The following TOP3B variants were observed in gnomAD, a reference collection of about 807,000 sequenced individuals.
The protein encoded by TOP3B is DNA topoisomerase III beta, also known as DNA topoisomerase 3-beta-1.
Under a neutral mutation model 93.9 loss-of-function variants are expected in TOP3B, and 45 were observed. The ratio of observed to expected loss-of-function variants is 0.48; its 90% CI spans 0.38 to 0.61. The LOEUF (loss-of-function observed/expected upper bound fraction) is 0.61, where lower values mean the gene tolerates loss of function less well. Among genes scored for constraint, TOP3B ranks in the 20% least tolerant of loss-of-function variants. TOP3B has a pLI of 0.00. For synonymous variants in TOP3B, 357 were observed against 472.6 expected (o/e 0.76, Z 3.17); for missense variants, 750 against 1,156.1 (o/e 0.65, Z 5.09).
chr22:21,970,042 T>C lies in TOP3B; in HGVS notation c.581+168A>G, dbSNP rs1350029351. 1.5e-6 allele frequency: 1 copy of C among 687,798 alleles called. No homozygotes were observed. The highest frequency in any genetic ancestry group is 2.4e-6 in the Non-Finnish European group (1 of 416,544). 42.6% of individuals were successfully genotyped at this position (687,798 alleles called of 1,614,324 possible). On this transcript the variant is annotated intron_variant, in intron 6 of 17. Transcript: ENST00000357179. This position sits in a 1 kb window ranked among gnomAD's most constrained non-coding sequence, Gnocchi z 4.4. ...ATCCTGGTCTCCCAAAGTGCAGGGATTACAGGTGTTAGCCACTGTGCCTGG... is the reference window on the plus strand; with the variant it reads ...ATCCTGGTCTCCCAAAGTGCAGGGACTACAGGTGTTAGCCACTGTGCCTGG...
At chr22:21,968,810 T>C (rs930972587) in intron 6 of TOP3B, 35 bp from the exon 7 acceptor site, 1 of 1,612,822 alleles carries the variant, frequency 6.2e-7, no homozygotes, top group Admixed American at 1.7e-5. Flanking sequence ...GGTCACTGAT[T>C]CACTCAAGAC....
At chr22:21,968,395 C>A in intron 7 of TOP3B, 1 of 557,938 alleles carries the variant, frequency 1.8e-6, no homozygotes, top group Non-Finnish European at 3.2e-6. Flanking sequence ...GAGCTGAACT[C>A]ATTCCCACTT....
rs1388934360 is a variant in TOP3B, at chr22:21,970,495, A to T, written c.385-89T>A. On this transcript the variant is annotated intron_variant, in intron 5 of 17. Transcript: ENST00000357179. This position sits in a 1 kb window ranked among gnomAD's most constrained non-coding sequence, Gnocchi z 4.4. ...ACTGTGAAGCCTGGTTCCTTCCAGG[A>T]AAGAACACGTGTGCTCGGCTCCCTC... 1.4e-6 allele frequency: 2 copies of T among 1,416,168 alleles called. No individual in the cohort carries two copies. Among genetic ancestry groups the T allele is most frequent in the Non-Finnish European group, 1.9e-6 (2 of 1,032,962 alleles). 87.7% of individuals were successfully genotyped at this position (1,416,168 alleles called of 1,614,324 possible). A position where few individuals can be genotyped will look rare whatever the true frequency, so the allele number is the denominator to read the frequency against.
In TOP3B at chr22:21,967,774, C is replaced by T. The variant is rs1194548827; in HGVS notation, c.739-58G>A. 2.6e-5 allele frequency: 36 copies of T among 1,360,414 alleles called. No individual in the cohort carries two copies. The East Asian group carries it at 5.5e-4, about 21-fold the overall frequency. The allele number at this position is 1,360,414 out of a possible 1,614,324, so 84.3% of individuals were successfully genotyped here. On this transcript the variant is annotated intron_variant, in intron 7 of 17. Transcript: ENST00000357179. ...AGAAAAAGTCTCCAGGTGAGCCCAA[C>T]GCCAGGAAGAACCAGGACAGATGAA...
intron 1 of TOP3B, among the ~76,000 whole-genome samples, chr22:21,979,941 CAAAAAAAAAAAAAA>C (rs57880095): frequency 1.1e-4 from 6 of 53,444 alleles, no homozygotes; most frequent in Non-Finnish European, 1.8e-4. Flanking sequence ...ACTCCATCTC[CAAAAAAAAAAAAAA>C]AAAAAAAAAG....
chr22:21,974,123 G>A, intron 3 of TOP3B: 1 of 425,484 alleles, frequency 2.4e-6, no homozygotes, highest in Non-Finnish European at 4.3e-6. Context: ...GGCACACAGG[G>A]AATGCAGCGA....
chr22:21,972,887 G>A lies in TOP3B; in HGVS notation c.203-169C>T, dbSNP rs553427815. The A allele has an allele frequency of 1.3e-5, 8 of 631,856 alleles. No homozygotes were observed. The African/African-American group carries it at 1.5e-4, about 12-fold the overall frequency. 39.1% of individuals were successfully genotyped at this position (631,856 alleles called of 1,614,324 possible). On this transcript the variant is annotated intron_variant, in intron 3 of 17. Transcript: ENST00000357179. ...AGGCAGAGCCAGGATGTGGGTTCAG[G>A]CCTTTGGTAACCCCCTCCCATCCAG... is the stretch of plus-strand genomic sequence containing the variant.
chr22:21,967,943 C>A, intron 7 of TOP3B: 1 of 528,146 alleles, frequency 1.9e-6, no homozygotes, highest in Non-Finnish European at 3.4e-6. Flanking sequence ...GAAGGTGGCC[C>A]AAAGCTGAGG....
At chr22:21,974,204 G>T in intron 3 of TOP3B, 153 bp downstream of exon 3, 1 of 966,056 alleles carries the variant, frequency 1.0e-6, no homozygotes. Flanking sequence ...CCGCACCAGG[G>T]ACCCTCTCAT....
intron 2 of TOP3B, chr22:21,974,845 C>T (rs2071796853): frequency 1.2e-5 from 2 of 170,618 alleles, no homozygotes; most frequent in African/African-American, 4.8e-5. Context: ...AAACAGACTC[C>T]AGATCTACTC....
intron 1 of TOP3B, among the ~76,000 whole-genome samples, chr22:21,981,775 GAC>G (rs977279260): frequency 1.3e-5 from 2 of 152,050 alleles, no homozygotes; most frequent in African/African-American, 4.8e-5. Context: ...CAGCCTGGGT[GAC>G]AGAGTGAGAC....
intron 11 of TOP3B, 66 bp from the exon 12 acceptor site, chr22:21,962,959 T>G: frequency 6.3e-7 from 1 of 1,581,190 alleles, no homozygotes; most frequent in Non-Finnish European, 8.6e-7. Flanking sequence ...GAGCCCCCAG[T>G]ACTCTCGCTC....
At position 21,960,349 on chromosome 22, in the gene TOP3B, G is replaced by T; in HGVS notation, c.1626C>A (p.Ile542=). 6.2e-7 allele frequency: 1 copy of T among 1,613,658 alleles called. No individual in the cohort carries two copies. The highest frequency in any genetic ancestry group is 8.5e-7 in the Non-Finnish European group (1 of 1,179,984). The change falls in exon 14 of 18, where the codon ATC becomes ATA. Residue 542 remains isoleucine, a synonymous_variant. Coordinates refer to ENST00000357179, the MANE Select transcript of TOP3B (RefSeq NM_001282112.2). The part of the protein sequence containing the change: ...GRRLKPTNLG[I]VLVHGYYKID... ...TCTTATAGTAGCCGTGCACCAGGAC[G>T]ATGCCGAGGTTGGTGGGCTTGAGCC...
chr22:21,967,260 G>T, intron 8 of TOP3B: 1 of 266,644 alleles, frequency 3.8e-6, no homozygotes, highest in Admixed American at 4.9e-5. Context: ...TCCCTCTACA[G>T]TTGTTAGTTT....
intron 15 of TOP3B, 98 bp from the exon 16 acceptor site, chr22:21,959,330 T>C (rs1601809987): frequency 6.4e-7 from 1 of 1,559,076 alleles, no homozygotes; most frequent in Non-Finnish European, 8.6e-7. Flanking sequence ...AGGGTCCCTA[T>C]AGGCGGTGGT....
chr22:21,975,790 T>G lies in TOP3B; in HGVS notation c.-81A>C. ...ACTCCACTCTTCCGCAGCACAGCACTATTACCAATGCTGACTCCTAAAGAG... is the reference window on the plus strand; with the variant it reads ...ACTCCACTCTTCCGCAGCACAGCACGATTACCAATGCTGACTCCTAAAGAG... On this transcript the variant is annotated 5_prime_UTR_variant, in exon 2 of 18. Transcript: ENST00000357179. The G allele has an allele frequency of 6.6e-7, 1 of 1,510,412 alleles. No individual in the cohort carries two copies. The allele number at this position is 1,510,412 out of a possible 1,614,324, so 93.6% of individuals were successfully genotyped here.
Position 21,960,415 on chromosome 22 carries a change from G to A in TOP3B, c.1560C>T (p.Asn520=), listed in dbSNP as rs2071122774. The change falls in exon 14 of 18, where the codon AAC becomes AAT. Residue 520 remains asparagine, a synonymous_variant. Coordinates refer to ENST00000357179, the MANE Select transcript of TOP3B (RefSeq NM_001282112.2). The part of the protein sequence containing the change: ...TDASIPVHIN[N]ICQRNYVTVE... ...CCGTGACATAGTTGCGCTGGCAGAT[G>A]TTGTTGATATGCACAGGGATGCTGG... 6.2e-7 allele frequency: 1 copy of A among 1,613,712 alleles called. No homozygotes were observed. Among genetic ancestry groups the A allele is most frequent in the Non-Finnish European group, 8.5e-7 (1 of 1,179,994 alleles).
chr22:21,960,481 C>G (rs367863837), intron 13 of TOP3B, 32 bp from the exon 14 acceptor site: 2 of 1,611,556 alleles, frequency 1.2e-6, no homozygotes, highest in African/African-American at 2.7e-5. Flanking sequence ...GGTTCCTGGC[C>G]TGCCTTGGAC....
chr22:21,975,626 C>A lies in TOP3B; in HGVS notation c.70+14G>T. ...ACCGTGCTTACAGACCAAAGCAGGG[C>A]TGGTCTCTCCTACCTCTAGAGAGGA... On this transcript the variant is annotated intron_variant, in intron 2 of 17. Transcript: ENST00000357179. 1 of 1,604,274 alleles carries A rather than the reference C, an allele frequency of 6.2e-7. No homozygotes were observed. Among genetic ancestry groups the A allele is most frequent in the Non-Finnish European group, 8.5e-7 (1 of 1,172,938 alleles).
Sources: allele counts gnomAD v4.1 joint callset (sites outside exome capture counted in the v4.1 genomes callset), GRCh38; gene constraint gnomAD v4.1.1; non-coding constraint Gnocchi (gnomAD v3.1); transcripts MANE v1.5; gene names NCBI Gene and HGNC (gene_info 2026-07-23, HGNC 2026-07-21).